Variants in LPP observed in about 807,000 individuals in gnomAD.
LPP encodes the protein LIM domain containing preferred translocation partner in lipoma.
A neutral mutation model predicts 60.4 loss-of-function variants in LPP; 38 were observed. The ratio of observed to expected loss-of-function variants is 0.63; its 90% confidence interval spans 0.49 to 0.83. The LOEUF (loss-of-function observed/expected upper bound fraction) is 0.83. Among genes scored for constraint, LPP ranks in the 40% least tolerant of loss-of-function variants. The probability of loss-of-function intolerance (pLI) is 0.00; values close to 1 mark genes in which losing one functional copy is unlikely to be tolerated. For synonymous variants in LPP, 328 were observed against 290.8 expected (o/e 1.13, Z -1.30); for missense variants, 902 against 783.6 (o/e 1.15, Z -1.80).
chr3:188,413,224 G>T (rs142294345), intron 4 of LPP, among the ~76,000 whole-genome samples: 2 of 152,192 alleles, frequency 1.3e-5, no homozygotes, highest in African/African-American at 4.8e-5. Context: ...TTTTTGCTGC[G>T]AACGTATGGT....
At position 188,467,128 on chromosome 3, in the gene LPP, A is replaced by G. The variant is rs968463099; in HGVS notation, c.194-17464A>G. Among the ~76,000 whole-genome samples the G allele has an allele frequency of 4.6e-5, 7 of 151,912 alleles. No homozygotes were observed. In the East Asian group the frequency reaches 1.4e-3, roughly 29 times the overall value. On this transcript the variant is annotated intron_variant, in intron 4 of 11. Coordinates refer to ENST00000617246, the MANE Select transcript of LPP (RefSeq NM_001375462.1). ...ACCTAAGAAAAGCAATCCTATGGGG[A>G]CAATATAAAACTTGTTTAGCTGCAA... is the stretch of plus-strand genomic sequence containing the variant.
chr3:188,830,208 A>G lies in LPP; in HGVS notation c.1411-35992A>G, dbSNP rs535011976. ...CAAAAGATCTTTAGAATTTCCAAGC[A>G]TGAGTGAGGTTTTACATTGATTGTA... On this transcript the variant is annotated intron_variant, in intron 9 of 11. Transcript: ENST00000617246. Among the ~76,000 whole-genome samples, 11 of 151,918 alleles carry G rather than the reference A, an allele frequency of 7.2e-5. No individual in the cohort carries two copies. In the South Asian group the frequency reaches 2.1e-3, roughly 29 times the overall value.
At chr3:188,262,860 C>T (rs572976831) in intron 2 of LPP, among the ~76,000 whole-genome samples, 3 of 152,042 alleles carry the variant, frequency 2.0e-5, no homozygotes, top group South Asian at 4.2e-4. Context: ...AATCTGTGCT[C>T]GAACCCAGGT....
At chr3:188,296,744 A>C (rs1037696270) in intron 2 of LPP, among the ~76,000 whole-genome samples, 45 of 152,296 alleles carry the variant, frequency 3.0e-4, no homozygotes, top group African/African-American at 1.0e-3. Flanking sequence ...TAGCTCCTGC[A>C]CTCAATAACT....
At chr3:188,289,927 G>C (rs990463613) in intron 2 of LPP, among the ~76,000 whole-genome samples, 1 of 152,084 alleles carries the variant, frequency 6.6e-6, no homozygotes, top group East Asian at 1.9e-4. Flanking sequence ...ATGTATGTGA[G>C]TGTCTGCAAA....
chr3:188,236,191 AG>A (rs1245265166), intron 2 of LPP, among the ~76,000 whole-genome samples: 1 of 152,210 alleles, frequency 6.6e-6, no homozygotes, highest in Non-Finnish European at 1.5e-5. Context: ...TAATGGCAAA[AG>A]CCGCAATTAC....
chr3:188,728,382 G>A (rs1041634484), intron 8 of LPP, among the ~76,000 whole-genome samples: 2 of 152,152 alleles, frequency 1.3e-5, no homozygotes, highest in South Asian at 2.1e-4. Context: ...GACTTATAAT[G>A]TTAAGTGATT....
intron 9 of LPP, among the ~76,000 whole-genome samples, chr3:188,792,593 CCA>C (rs1474812949): frequency 6.6e-6 from 1 of 151,952 alleles, no homozygotes; most frequent in Non-Finnish European, 1.5e-5. Flanking sequence ...AACGGAAAGC[CCA>C]CAGTTTTTTT....
chr3:188,285,760 C>T (rs960644475), intron 2 of LPP, among the ~76,000 whole-genome samples: 3 of 152,148 alleles, frequency 2.0e-5, no homozygotes, highest in Non-Finnish European at 2.9e-5. Context: ...CCTCCCACAA[C>T]CCCCAACAGC....
intron 1 of LPP, among the ~76,000 whole-genome samples, chr3:188,162,608 G>A (rs1577055160): frequency 6.6e-6 from 1 of 152,130 alleles, no homozygotes; most frequent in Non-Finnish European, 1.5e-5. Context: ...AAAGACCTAT[G>A]TTTGGGCTAA....
At chr3:188,249,434 C>CGAAG (rs1303028051) in intron 2 of LPP, among the ~76,000 whole-genome samples, 1 of 144,518 alleles carries the variant, frequency 6.9e-6, no homozygotes, top group Non-Finnish European at 1.5e-5. Flanking sequence ...AAGAGTGTCT[C>CGAAG]GAAGGAAGGA....
intron 4 of LPP, among the ~76,000 whole-genome samples, chr3:188,407,791 T>TTTTTTTTTTTTTTTTTTTTTTTG (rs1783984681): frequency 8.8e-5 from 3 of 34,166 alleles, no homozygotes; most frequent in African/African-American, 1.5e-4. Flanking sequence ...TTTGTTTGTT[T>TTTTTTTTTTTTTTTTTTTTTTTG]TTTTTTTTTT....
At position 188,842,729 on chromosome 3, in the gene LPP, T is replaced by C. The variant is rs559222622; in HGVS notation, c.1411-23471T>C. Among the ~76,000 whole-genome samples, 23 of 152,218 alleles carry C rather than the reference T, an allele frequency of 1.5e-4. 2 individuals are homozygous for C. The South Asian group carries it at 4.8e-3, about 32-fold the overall frequency. On this transcript the variant is annotated intron_variant, in intron 9 of 11. Coordinates refer to ENST00000617246, the MANE Select transcript of LPP (RefSeq NM_001375462.1). ...ATTCATAATATCACTTTGAATATCA[T>C]TTGTTTTCATCTTGCATTTTTCTCA...
chr3:188,269,396 GTGAATGTTTATAT>G (rs1199943517), intron 2 of LPP, among the ~76,000 whole-genome samples: 1 of 152,114 alleles, frequency 6.6e-6, no homozygotes, highest in Non-Finnish European at 1.5e-5. Context: ...TACCTGGCTG[GTGAATGTTTATAT>G]TGAATTCTCT....
At position 188,819,722 on chromosome 3, in the gene LPP, C is replaced by T. The variant is rs577634505; in HGVS notation, c.1411-46478C>T. ...GGATTGGAGGTGGAAAAAATGAACA[C>T]ATGGGTGGCGATGATTCAGGCAGAG... is the stretch of plus-strand genomic sequence containing the variant. On this transcript the variant is annotated intron_variant, in intron 9 of 11. Coordinates refer to ENST00000617246, the MANE Select transcript of LPP (RefSeq NM_001375462.1). Among the ~76,000 whole-genome samples, 342 of 152,206 alleles carry T rather than the reference C, an allele frequency of 2.2e-3. 2 individuals carry two copies. Among genetic ancestry groups the T allele is most frequent in the African/African-American group, 8.0e-3 (331 of 41,520 alleles).
At chr3:188,744,956 T>C (rs568071740) in intron 8 of LPP, among the ~76,000 whole-genome samples, 2 of 152,246 alleles carry the variant, frequency 1.3e-5, no homozygotes, top group East Asian at 3.9e-4. Flanking sequence ...TCTCTGTTAA[T>C]TGGCTTTTCC....
At chr3:188,233,690 C>A (rs898554286) in intron 2 of LPP, among the ~76,000 whole-genome samples, 3 of 152,134 alleles carry the variant, frequency 2.0e-5, no homozygotes, top group African/African-American at 7.2e-5. Context: ...CTTTTTCCCC[C>A]CATTGAGAAT....
chr3:188,211,814 T>G (rs1426690921), intron 1 of LPP, among the ~76,000 whole-genome samples: 1 of 147,938 alleles, frequency 6.8e-6, no homozygotes, highest in African/African-American at 2.6e-5. Flanking sequence ...CGTGAGAGAC[T>G]TGGGGCTGTT....
chr3:188,819,146 T>C (rs1367334876), intron 9 of LPP, among the ~76,000 whole-genome samples: 1 of 151,990 alleles, frequency 6.6e-6, no homozygotes, highest in Non-Finnish European at 1.5e-5. Flanking sequence ...CTAAACACTT[T>C]ATCCTTTTCT....
Sources: allele counts gnomAD v4.1 joint callset (sites outside exome capture counted in the v4.1 genomes callset), GRCh38; gene constraint gnomAD v4.1.1; transcripts MANE v1.5; gene names NCBI Gene and HGNC (gene_info 2026-07-23, HGNC 2026-07-21).